The following SLC38A6 variants were observed in gnomAD, a reference collection of about 807,000 sequenced individuals.
SLC38A6 encodes N system amino acid transporter NAT-1.
Under a neutral mutation model 65.0 loss-of-function variants are expected in SLC38A6, and 73 were observed. The observed-to-expected ratio is 1.12, with a 90% confidence interval of 0.93 to 1.37. SLC38A6 has a LOEUF of 1.37. Ranked by LOEUF, SLC38A6 falls within the 40% of genes most tolerant of loss-of-function variation. The pLI, the probability that SLC38A6 is intolerant of heterozygous loss-of-function variation, is 0.00. For synonymous variants in SLC38A6, 183 were observed against 178.8 expected, an observed-to-expected ratio of 1.02 and a Z score of -0.19; for missense variants, 561 against 531.1, an observed-to-expected ratio of 1.06 and a Z score of -0.55.
chr14:61,068,903 C>T (rs184649572), intron 15 of SLC38A6, among the ~76,000 whole-genome samples: 32 of 152,298 alleles, frequency 2.1e-4, no homozygotes, highest in African/African-American at 7.7e-4. Context: ...TACCTCTAAT[C>T]TGTCACAATG....
At chr14:61,008,093 A>G (rs985360745) in intron 3 of SLC38A6, among the ~76,000 whole-genome samples, 1 of 152,214 alleles carries the variant, frequency 6.6e-6, no homozygotes, top group Non-Finnish European at 1.5e-5. Context: ...TTATTAAAGC[A>G]TAAAGTTTGC....
intron 8 of SLC38A6, among the ~76,000 whole-genome samples, chr14:61,041,592 A>T (rs943574187): frequency 2.6e-5 from 4 of 152,152 alleles, no homozygotes; most frequent in Non-Finnish European, 5.9e-5. Context: ...ACTGTTAGTT[A>T]GGGGAAAATA....
intron 15 of SLC38A6, among the ~76,000 whole-genome samples, chr14:61,065,732 A>T (rs2042998867): frequency 6.6e-6 from 1 of 152,238 alleles, no homozygotes; most frequent in Non-Finnish European, 1.5e-5. Flanking sequence ...TTATCTTAAC[A>T]CAAATGAAAT....
intron 15 of SLC38A6, among the ~76,000 whole-genome samples, chr14:61,065,677 G>A (rs2042997129): frequency 6.6e-6 from 1 of 152,202 alleles, no homozygotes; most frequent in African/African-American, 2.4e-5. Flanking sequence ...AAGTGCTACA[G>A]CCATTTGACC....
At chr14:61,037,430 G>A (rs1309798304) in intron 7 of SLC38A6, among the ~76,000 whole-genome samples, 195 bp from the exon 8 acceptor site, 2 of 152,096 alleles carry the variant, frequency 1.3e-5, no homozygotes, top group African/African-American at 4.8e-5. Context: ...ACCATTAGTG[G>A]TAAGCCAGTT....
At chr14:61,045,755 G>A (rs1384923331) in intron 11 of SLC38A6, among the ~76,000 whole-genome samples, 1 of 151,826 alleles carries the variant, frequency 6.6e-6, no homozygotes, top group Non-Finnish European at 1.5e-5. Flanking sequence ...ACGTGGTGGC[G>A]GGCACCTGTA....
At chr14:61,050,371 GT>G (rs1260362787) in intron 12 of SLC38A6, 140 bp from the exon 13 acceptor site, 1 of 461,182 alleles carries the variant, frequency 2.2e-6, no homozygotes, top group African/African-American at 2.0e-5. Flanking sequence ...ATGTCTCTGT[GT>G]TTCATAGGCT....
At chr14:61,031,265 A>G (rs931236471) in intron 6 of SLC38A6, among the ~76,000 whole-genome samples, 1 of 152,172 alleles carries the variant, frequency 6.6e-6, no homozygotes, top group African/African-American at 2.4e-5. Flanking sequence ...AAGTTATTTC[A>G]CATAGTTAAG....
chr14:60,987,035 T>A (rs2037501363), intron 3 of SLC38A6: 1 of 418,682 alleles, frequency 2.4e-6, no homozygotes, highest in African/African-American at 2.1e-5. Flanking sequence ...TTTTTTCTTT[T>A]TCTTTGATTT....
chr14:61,011,880 G>A (rs534844927), intron 3 of SLC38A6, among the ~76,000 whole-genome samples: 1 of 152,266 alleles, frequency 6.6e-6, no homozygotes, highest in East Asian at 1.9e-4. Context: ...TTTGGTATCA[G>A]GATAATGCTG....
Position 61,000,420 on chromosome 14 carries a change from G to A in SLC38A6, c.311-15484G>A, listed in dbSNP as rs561084836. Among the ~76,000 whole-genome samples, 7 of 152,332 alleles carry A rather than the reference G, an allele frequency of 4.6e-5. 1 individual carries two copies. In the East Asian group the frequency reaches 1.4e-3, roughly 29 times the overall value. On this transcript the variant is annotated intron_variant, in intron 3 of 15. Transcript: ENST00000267488. The stretch of plus-strand genomic sequence containing the variant: ...CAAGGCAGGTGGATCACGAGGTCAG[G>A]AGTTCGTGACCAGTAGCCTGCCCAA...
At chr14:61,054,444 A>T (rs1360287685), downstream of SLC38A6, among the ~76,000 whole-genome samples, 1 of 152,186 alleles carries the variant, frequency 6.6e-6, no homozygotes, top group Non-Finnish European at 1.5e-5. Context: ...AATAGCATTG[A>T]ATCTGTAAAT....
intron 3 of SLC38A6, 60 bp downstream of exon 3, chr14:60,984,863 A>T: frequency 6.8e-7 from 1 of 1,464,222 alleles, no homozygotes. Flanking sequence ...TTGTATCTAC[A>T]TATAGAACTG....
chr14:61,078,279 A>C (rs1223329511), intron 15 of SLC38A6, among the ~76,000 whole-genome samples: 2 of 152,220 alleles, frequency 1.3e-5, no homozygotes, highest in Non-Finnish European at 2.9e-5. Flanking sequence ...GAAAGCAACA[A>C]CTGAAGTAAA....
intron 15 of SLC38A6, among the ~76,000 whole-genome samples, chr14:61,071,906 A>G (rs1247535658): frequency 1.3e-5 from 2 of 152,198 alleles, no homozygotes; most frequent in Admixed American, 6.5e-5. Flanking sequence ...TTGTGTATTT[A>G]GGGAGTTTTC....
At chr14:61,010,931 T>C (rs1346684801) in intron 3 of SLC38A6, among the ~76,000 whole-genome samples, 1 of 152,186 alleles carries the variant, frequency 6.6e-6, no homozygotes, top group African/African-American at 2.4e-5. Context: ...AAGTCATTGG[T>C]AGCTCGTTGG....
At chr14:60,987,185 T>G (rs895151228) in intron 3 of SLC38A6, 4 of 274,410 alleles carry the variant, frequency 1.5e-5, no homozygotes, top group Non-Finnish European at 2.8e-5. Flanking sequence ...TTTTTTTTTT[T>G]CAATACATAC....
rs747624776 is a variant in SLC38A6, at chr14:60,981,259, TAGTC to T, written c.-16_-13del. ...GGTAGAGGCTCGTAGATGGAACTGGTAGTCAGCTGGAGAGCAGCATGGAGGCGTC... is the reference window on the plus strand; with the variant it reads ...GGTAGAGGCTCGTAGATGGAACTGGTAGCTGGAGAGCAGCATGGAGGCGTC... On this transcript the variant is annotated 5_prime_UTR_variant, in exon 1 of 16. Coordinates refer to ENST00000267488, the MANE Select transcript of SLC38A6 (RefSeq NM_153811.3). The T allele has an allele frequency of 1.9e-6, 3 of 1,583,774 alleles. No homozygotes were observed. The highest frequency in any genetic ancestry group is 2.3e-5 in the East Asian group (1 of 43,384).
intron 3 of SLC38A6, among the ~76,000 whole-genome samples, chr14:60,998,710 A>C (rs2038469238): frequency 6.6e-6 from 1 of 152,212 alleles, no homozygotes; most frequent in African/African-American, 2.4e-5. Context: ...CAGGAGTTGC[A>C]GGCATGTATT....
Sources: gnomAD v4.1 joint callset for allele counts (sites outside exome capture counted in the v4.1 genomes callset) on GRCh38, gnomAD v4.1.1 for gene constraint, MANE v1.5 for transcripts, NCBI Gene and HGNC (gene_info 2026-07-23, HGNC 2026-07-21) for gene names.